Variants in MEGF8 observed in about 807,000 individuals in gnomAD.
MEGF8 encodes the protein multiple epidermal growth factor-like domains protein 8.
Under a neutral mutation model 302.9 loss-of-function variants are expected in MEGF8, and 156 were observed. That is an observed-to-expected ratio of 0.52 (90% CI 0.45 to 0.59). MEGF8 has a LOEUF of 0.59. MEGF8 is among the 20% of genes least tolerant of loss of function. MEGF8 has a pLI of 0.00. For missense variants in MEGF8, 3,345 were observed against 3,964.5 expected (o/e 0.84, Z 4.20); for synonymous variants, 1,621 against 1,660.5 (o/e 0.98, Z 0.58).
At chr19:42,347,994 C>G (rs1353741222) in intron 12 of MEGF8, among the ~76,000 whole-genome samples, 2 of 152,158 alleles carry the variant, frequency 1.3e-5, no homozygotes. Context: ...TAAGAAGACA[C>G]TGAAGTGTCC....
At position 42,343,534 on chromosome 19, in the gene MEGF8, G is replaced by GCGCAC; in HGVS notation, c.1573_1574insCACCG (p.Val525AlafsTer18). ...CATGTAGCTGCGGTGCTTGGTGGCAGCGTCCTGTTGGTGGCTGGGGGGTAC... is the reference window on the plus strand; with the variant it reads ...CATGTAGCTGCGGTGCTTGGTGGCAGCGCACCGTCCTGTTGGTGGCTGGGGGGTAC... On this transcript the variant is annotated frameshift_variant, in exon 9 of 42. Coordinates refer to ENST00000251268, the MANE Select transcript of MEGF8 (RefSeq NM_001271938.2). LOFTEE classifies it high-confidence loss of function. 1 of 1,613,578 alleles carries GCGCAC rather than the reference G, an allele frequency of 6.2e-7. No individual in the cohort carries two copies. The highest frequency in any genetic ancestry group is 8.5e-7 in the Non-Finnish European group (1 of 1,179,700).
At chr19:42,327,978 C>T (rs184893036) in intron 1 of MEGF8, among the ~76,000 whole-genome samples, 12 of 152,288 alleles carry the variant, frequency 7.9e-5, no homozygotes, top group African/African-American at 2.9e-4. Context: ...GCCTGTAGTC[C>T]CAGCTTCTCA....
rs1395077400 is a variant in MEGF8 at position 42,353,989 on chromosome 19, C to T, written c.3976C>T (p.Leu1326Phe). 2 of 1,584,216 alleles carry T rather than the reference C, an allele frequency of 1.3e-6. No homozygotes were observed. The highest frequency in any genetic ancestry group is 1.7e-6 in the Non-Finnish European group (2 of 1,165,648). ...CGGGACCCTCTGTCCCCCACTCACC[C>T]TCACCTTCTCCCCCGACAGCAGCAC... ...APGTLCPPLT[L>F]TFSPDSSTPC... Residue 1326 changes from leucine (L) to phenylalanine (F), a missense_variant, in exon 22 of 42, where the codon CTC becomes TTC. By Grantham distance (22) the Leu-to-Phe change is conservative. Transcript: ENST00000251268. This position sits in a 1 kb window ranked among gnomAD's most constrained non-coding sequence, Gnocchi z 6.1.
At chr19:42,335,415 C>G (rs762410416) in intron 5 of MEGF8, 30 bp downstream of exon 5, 2 of 1,597,176 alleles carry the variant, frequency 1.3e-6, no homozygotes, top group East Asian at 2.2e-5. Context: ...CCTGGAGGAG[C>G]CTTTCCACTC....
At chr19:42,359,385 A>G (rs567562460) in intron 31 of MEGF8, 143 bp downstream of exon 31, 36 of 651,012 alleles carry the variant, frequency 5.5e-5, no homozygotes, top group Non-Finnish European at 7.8e-5. Context: ...TTATCTGAAC[A>G]CCAGGACATG....
chr19:42,331,127 ACT>A (rs2039049099), intron 1 of MEGF8, among the ~76,000 whole-genome samples: 1 of 152,050 alleles, frequency 6.6e-6, no homozygotes, highest in Non-Finnish European at 1.5e-5. Context: ...GCCAGGGCAC[ACT>A]CTGGCTCTAA....
At chr19:42,349,944 C>T (rs2039344709) in intron 14 of MEGF8, among the ~76,000 whole-genome samples, 1 of 152,174 alleles carries the variant, frequency 6.6e-6, no homozygotes, top group African/African-American at 2.4e-5. Context: ...ACCCTGCTGA[C>T]CCTGACCTCT....
chr19:42,363,925 T>C (rs2039568701), intron 35 of MEGF8, among the ~76,000 whole-genome samples: 1 of 152,210 alleles, frequency 6.6e-6, no homozygotes, highest in Non-Finnish European at 1.5e-5. Flanking sequence ...ACTCCCAGTC[T>C]AGATGCCTTC....
chr19:42,326,485 G>T, intron 1 of MEGF8, 55 bp downstream of exon 1: 1 of 1,477,484 alleles, frequency 6.8e-7, no homozygotes, highest in Non-Finnish European at 8.9e-7. Context: ...ATTCATGTGT[G>T]CATTCATCCA....
In MEGF8 at chr19:42,368,412, ATC is replaced by A; in HGVS notation, c.6274-35_6274-34del. 2 of 1,480,934 alleles carry A rather than the reference ATC, an allele frequency of 1.4e-6. No homozygotes were observed. The highest frequency in any genetic ancestry group is 1.8e-6 in the Non-Finnish European group (2 of 1,094,558). The allele number at this position is 1,480,934 out of a possible 1,614,324, so 91.7% of individuals were successfully genotyped here. A position where few individuals can be genotyped will look rare whatever the true frequency, so the allele number is the denominator to read the frequency against. The stretch of plus-strand genomic sequence containing the variant: ...TGTGTTTGTTTAAGCTTATTTCCCC[ATC>A]TCTCTCTTCCCTGCATCCCCATCCC... On this transcript the variant is annotated intron_variant, in intron 35 of 41. Transcript: ENST00000251268. This position sits in a 1 kb window ranked among gnomAD's most constrained non-coding sequence, Gnocchi z 4.9.
chr19:42,341,211 C>T (rs1465320291), intron 8 of MEGF8, among the ~76,000 whole-genome samples: 6 of 152,028 alleles, frequency 3.9e-5, no homozygotes, highest in Admixed American at 2.0e-4. Context: ...GCGGGAAAAT[C>T]GTGAGGTCAG....
rs368461816 is a variant in MEGF8, at chr19:42,348,314, G to A, written c.2140G>A (p.Ala714Thr). 2.6e-4 allele frequency: 399 copies of A among 1,537,424 alleles called. No homozygotes were observed. The highest frequency in any genetic ancestry group is 1.2e-3 in the Middle Eastern group (7 of 6,014). The change falls in exon 13 of 42, where the codon GCA (alanine) becomes ACA (threonine). Residue 714 changes from alanine to threonine, a missense_variant. By Grantham distance (58) the Ala-to-Thr change is moderately conservative (BLOSUM62 0). Transcript: ENST00000251268. The part of the protein sequence containing the change: ...RSTTITLTPS[A>T]ETDVSLVYRG... ...CACGACCATCACCCTAACACCCAGC[G>A]CAGAGACAGATGTGTCCCTGGTCTA...
In MEGF8 at chr19:42,344,929, C is replaced by T; in HGVS notation, c.2097+96C>T. The T allele has an allele frequency of 1.6e-6, 2 of 1,273,686 alleles. No homozygotes were observed. The highest frequency in any genetic ancestry group is 2.1e-6 in the Non-Finnish European group (2 of 957,026). The allele number at this position is 1,273,686 out of a possible 1,614,324, so 78.9% of individuals were successfully genotyped here. A position where few individuals can be genotyped will look rare whatever the true frequency, so the allele number is the denominator to read the frequency against. On this transcript the variant is annotated intron_variant, in intron 12 of 41. Coordinates refer to ENST00000251268, the MANE Select transcript of MEGF8 (RefSeq NM_001271938.2). This position sits in a 1 kb window ranked among gnomAD's most constrained non-coding sequence, Gnocchi z 4.5. The stretch of plus-strand genomic sequence containing the variant: ...CATCTTTATCACTCTTATGTTTACT[C>T]CAAAACTCTTTACATTCAAGGGTCT...
Position 42,356,867 on chromosome 19 carries a change from A to G in MEGF8, c.4716A>G (p.Ala1572=). The change falls in exon 27 of 42, where the codon GCA becomes GCG. Residue 1572 remains alanine, a synonymous_variant. Coordinates refer to ENST00000251268, the MANE Select transcript of MEGF8 (RefSeq NM_001271938.2). This position sits in a 1 kb window ranked among gnomAD's most constrained non-coding sequence, Gnocchi z 5.2. The part of the protein sequence containing the change: ...GPSPRSFHAA[A]YVPAGRGAMY... ...CGCCCCGCTCCTTCCATGCAGCCGCATATGTGCCCGCTGGCCGTGGTGCCA... is the reference window on the plus strand; with the variant it reads ...CGCCCCGCTCCTTCCATGCAGCCGCGTATGTGCCCGCTGGCCGTGGTGCCA... The G allele has an allele frequency of 6.3e-7, 1 of 1,593,254 alleles. No homozygotes were observed. The highest frequency in any genetic ancestry group is 8.5e-7 in the Non-Finnish European group (1 of 1,170,586).
intron 1 of MEGF8, among the ~76,000 whole-genome samples, chr19:42,330,817 G>T (rs2039045468): frequency 6.6e-6 from 1 of 152,166 alleles, no homozygotes; most frequent in Non-Finnish European, 1.5e-5. Flanking sequence ...ACCCAGCTAG[G>T]GGGCATCAGG....
intron 32 of MEGF8, among the ~76,000 whole-genome samples, chr19:42,361,756 G>A (rs1042892927): frequency 2.6e-5 from 4 of 152,128 alleles, no homozygotes; most frequent in Admixed American, 1.3e-4. Flanking sequence ...CTGTTGTGAG[G>A]GGTAGAGTGA....
intron 1 of MEGF8, among the ~76,000 whole-genome samples, chr19:42,332,303 G>A (rs1490306034): frequency 2.6e-5 from 4 of 152,244 alleles, no homozygotes; most frequent in Admixed American, 1.3e-4. Flanking sequence ...GCTGTCAGCT[G>A]GAAGCTCAGT....
chr19:42,365,032 G>T (rs2039584303), intron 35 of MEGF8, among the ~76,000 whole-genome samples: 1 of 152,236 alleles, frequency 6.6e-6, no homozygotes, highest in Non-Finnish European at 1.5e-5. Context: ...CACACCAAGA[G>T]GGTGGCTGCG....
intron 31 of MEGF8, among the ~76,000 whole-genome samples, chr19:42,359,481 GGAAA>G (rs1033228754): frequency 2.0e-5 from 3 of 151,086 alleles, no homozygotes; most frequent in African/African-American, 7.3e-5. Context: ...TTGTAAAATA[GGAAA>G]GAAAAAAAAA....
Sources: gnomAD v4.1 joint callset for allele counts (sites outside exome capture counted in the v4.1 genomes callset) on GRCh38, gnomAD v4.1.1 for gene constraint, Gnocchi (gnomAD v3.1) non-coding constraint, MANE v1.5 for transcripts, NCBI Gene and HGNC (gene_info 2026-07-23, HGNC 2026-07-21) for gene names.